The following KCNQ2 variants were observed in gnomAD, a reference collection of about 807,000 sequenced individuals.
KCNQ2 encodes the protein potassium voltage-gated channel subfamily Q member 2, also known as potassium voltage-gated channel subfamily KQT member 2.
In KCNQ2, 14 loss-of-function variants were observed where a neutral mutation model predicts 84.8. The ratio of observed to expected loss-of-function variants is 0.17; its 90% confidence interval spans 0.11 to 0.26. KCNQ2 has a LOEUF of 0.26. Among genes scored for constraint, KCNQ2 ranks in the 10% least tolerant of loss-of-function variants. KCNQ2 has a pLI of 1.00. For synonymous variants in KCNQ2, 599 were observed against 554.1 expected (o/e 1.08, Z -1.14); for missense variants, 788 against 1,254.0 (o/e 0.63, Z 5.61).
At chr20:63,415,266 C>T (rs994517669) in intron 12 of KCNQ2, 140 bp from the exon 13 acceptor site, 51 of 544,048 alleles carry the variant, frequency 9.4e-5, no homozygotes, top group Middle Eastern at 3.4e-4. Context: ...GCCAGCCACA[C>T]GGGTGGCTCA....
At chr20:63,453,737 CAG>C (rs2081686718) in intron 1 of KCNQ2, 1 of 152,260 alleles carries the variant, frequency 6.6e-6, no homozygotes, top group African/African-American at 2.4e-5. Flanking sequence ...CTACAGGATA[CAG>C]AGGAGTTGGC....
chr20:63,462,936 A>C (rs1376871756), intron 1 of KCNQ2, among the ~76,000 whole-genome samples: 2 of 152,154 alleles, frequency 1.3e-5, no homozygotes, highest in Admixed American at 1.3e-4. Context: ...GCATGCAGAG[A>C]ACGGCTCCAG....
At position 63,408,658 on chromosome 20, in the gene KCNQ2, C is replaced by A; in HGVS notation, c.1764-122G>T. ...GGCTGCAGGCTCAGCCCAGAGCCGACCAGGGGGCAGTGGGTGCCAGGACAG... is the reference window on the plus strand; with the variant it reads ...GGCTGCAGGCTCAGCCCAGAGCCGAACAGGGGGCAGTGGGTGCCAGGACAG... On this transcript the variant is annotated intron_variant, in intron 15 of 16. Transcript: ENST00000359125. The surrounding 1 kb of genome is among the most constrained non-coding windows in gnomAD (Gnocchi z 5.0). 1 of 1,457,640 alleles carries A rather than the reference C, an allele frequency of 6.9e-7. No homozygotes were observed. The highest frequency in any genetic ancestry group is 1.4e-5 in the African/African-American group (1 of 71,800). The allele number at this position is 1,457,640 out of a possible 1,614,324, so 90.3% of individuals were successfully genotyped here. A position where few individuals can be genotyped will look rare whatever the true frequency, so the allele number is the denominator to read the frequency against.
intron 1 of KCNQ2, among the ~76,000 whole-genome samples, chr20:63,450,996 G>A (rs1353189592): frequency 6.6e-6 from 1 of 151,954 alleles, no homozygotes; most frequent in Non-Finnish European, 1.5e-5. Context: ...AAATTAGCCA[G>A]GCATGGTGGC....
chr20:63,457,262 G>A (rs2081828210), intron 1 of KCNQ2, among the ~76,000 whole-genome samples: 1 of 152,254 alleles, frequency 6.6e-6, no homozygotes, highest in Non-Finnish European at 1.5e-5. Context: ...TGCGTGGCTT[G>A]TACCTGCCAG....
intron 1 of KCNQ2, among the ~76,000 whole-genome samples, chr20:63,454,305 G>A (rs1425949236): frequency 6.6e-6 from 1 of 152,214 alleles, no homozygotes; most frequent in African/African-American, 2.4e-5. Flanking sequence ...GCCCCACCCG[G>A]AAAGTGCAGG....
At position 63,442,839 on chromosome 20, in the gene KCNQ2, CCACCAT is replaced by C. The variant is rs1568934736; in HGVS notation, c.691-314_691-309del. ...ACCATCACCATCACCATCACCACCA[CCACCAT>C]CACCATCACCACCACCATCACCATC... On this transcript the variant is annotated intron_variant, in intron 4 of 16. Coordinates refer to ENST00000359125, the MANE Select transcript of KCNQ2 (RefSeq NM_172107.4). Among the ~76,000 whole-genome samples, 24 of 55,196 alleles carry C rather than the reference CCACCAT, an allele frequency of 4.3e-4. 2 individuals are homozygous for C. Among genetic ancestry groups the C allele is most frequent in the African/African-American group, 8.4e-4 (11 of 13,124 alleles). The allele number at this position is 55,196 out of a possible 152,430, so 36.2% of individuals were successfully genotyped here.
Position 63,404,270 on chromosome 20 carries a change from G to A in KCNQ2, c.*2374C>T. 1 of 152,308 alleles carries A rather than the reference G, an allele frequency of 6.6e-6. No homozygotes were observed. The highest frequency in any genetic ancestry group is 1.5e-5 in the Non-Finnish European group (1 of 68,196). The allele number at this position is 152,308 out of a possible 1,614,324, so 9.4% of individuals were successfully genotyped here. A position where few individuals can be genotyped will look rare whatever the true frequency, so the allele number is the denominator to read the frequency against. ...CACCTCGGGGGAGGAAAGAGCAGGTGGGGCCATACTGGGAGGGAGGAAAGA... is the reference window on the plus strand; with the variant it reads ...CACCTCGGGGGAGGAAAGAGCAGGTAGGGCCATACTGGGAGGGAGGAAAGA... On this transcript the variant is annotated 3_prime_UTR_variant, in exon 17 of 17. Transcript: ENST00000359125.
intron 11 of KCNQ2, among the ~76,000 whole-genome samples, chr20:63,421,060 G>T (rs1309112427): frequency 1.3e-5 from 2 of 151,984 alleles, no homozygotes; most frequent in Non-Finnish European, 2.9e-5. Context: ...CCCAAGCACA[G>T]AGCCCCTGCC....
intron 12 of KCNQ2, 81 bp from the exon 13 acceptor site, chr20:63,415,207 A>C: frequency 1.5e-6 from 2 of 1,297,666 alleles, no homozygotes; most frequent in Non-Finnish European, 2.2e-6. Context: ...GTGTCTGCTC[A>C]TGGCCGACGC....
rs1210996237 is a variant in KCNQ2 at position 63,408,613 on chromosome 20, C to T, written c.1764-77G>A. On this transcript the variant is annotated intron_variant, in intron 15 of 16. Coordinates refer to ENST00000359125, the MANE Select transcript of KCNQ2 (RefSeq NM_172107.4). This position sits in a 1 kb window ranked among gnomAD's most constrained non-coding sequence, Gnocchi z 5.0. ...CCCTGCCCTCTCCTCCTGGACCAGG[C>T]CACAGTGCCCCTGGGTCTAGGCTGC... is the stretch of plus-strand genomic sequence containing the variant. 6 of 1,569,342 alleles carry T rather than the reference C, an allele frequency of 3.8e-6. No homozygotes were observed. Among genetic ancestry groups the T allele is most frequent in the African/African-American group, 1.3e-5 (1 of 74,318 alleles).
intron 5 of KCNQ2, 78 bp downstream of exon 5, chr20:63,442,328 C>T: frequency 6.2e-7 from 1 of 1,605,728 alleles, no homozygotes. Context: ...GCAGGCTCAG[C>T]CAGTGAGAGC....
At chr20:63,451,045 G>C (rs1161972896) in intron 1 of KCNQ2, among the ~76,000 whole-genome samples, 3 of 150,600 alleles carry the variant, frequency 2.0e-5, no homozygotes, top group Admixed American at 1.3e-4. Flanking sequence ...GGCTGAGGCA[G>C]AAGAATCGCT....
chr20:63,420,337 G>A (rs536521499), intron 11 of KCNQ2, among the ~76,000 whole-genome samples: 1 of 152,348 alleles, frequency 6.6e-6, no homozygotes, highest in South Asian at 2.1e-4. Context: ...AACACGGAAC[G>A]TTTTCCCAAG....
intron 1 of KCNQ2, among the ~76,000 whole-genome samples, chr20:63,455,835 C>G (rs1415541400): frequency 4.8e-5 from 6 of 124,596 alleles, no homozygotes; most frequent in Non-Finnish European, 6.8e-5. Context: ...TGCTCACGGG[C>G]CCCCCACCTC....
At chr20:63,440,589 C>A (rs555594438) in intron 5 of KCNQ2, among the ~76,000 whole-genome samples, 4 of 152,170 alleles carry the variant, frequency 2.6e-5, no homozygotes, top group African/African-American at 9.7e-5. Flanking sequence ...GATAAACAGA[C>A]AGAGGGATCG....
rs778112358 is a variant in KCNQ2, at chr20:63,472,304, G to A, written c.160C>T (p.Leu54Phe). 6.5e-7 allele frequency: 1 copy of A among 1,538,224 alleles called. No individual in the cohort carries two copies. The highest frequency in any genetic ancestry group is 1.2e-5 in the South Asian group (1 of 82,656). ...GSEAPKRGSI[L>F]SKPRAGGAGA... ...GCGCCGCCCGCGCGAGGTTTGCTGA[G>A]GATGCTGCCGCGCTTGGGGGCCTCG... Residue 54 changes from leucine to phenylalanine, a missense_variant, in exon 1 of 17, where the codon CTC becomes TTC. Physicochemically the swap from Leu to Phe is conservative, Grantham distance 22. Transcript: ENST00000359125.
chr20:63,423,442 G>A (rs888783137), intron 11 of KCNQ2: 2 of 152,298 alleles, frequency 1.3e-5, no homozygotes, highest in Non-Finnish European at 2.9e-5. Flanking sequence ...GTCGGGGGCT[G>A]GGGCTCAGCA....
At chr20:63,449,931 T>A (rs1195463307) in intron 1 of KCNQ2, among the ~76,000 whole-genome samples, 2 of 151,658 alleles carry the variant, frequency 1.3e-5, no homozygotes, top group Non-Finnish European at 2.9e-5. Context: ...GGCCCACATC[T>A]GACACACAGC....
Sources: gnomAD v4.1 joint callset for allele counts (sites outside exome capture counted in the v4.1 genomes callset) on GRCh38, gnomAD v4.1.1 for gene constraint, Gnocchi (gnomAD v3.1) non-coding constraint, MANE v1.5 for transcripts, NCBI Gene and HGNC (gene_info 2026-07-23, HGNC 2026-07-21) for gene names.